Variants in IQGAP3 observed in about 807,000 individuals in gnomAD.
The protein encoded by IQGAP3 is IQ motif containing GTPase activating protein 3.
Under a neutral mutation model 208.2 loss-of-function variants are expected in IQGAP3, and 165 were observed. The observed-to-expected ratio is 0.79, with a 90% CI of 0.70 to 0.90. The LOEUF (loss-of-function observed/expected upper bound fraction) is 0.90, where lower values mean the gene tolerates loss of function less well. Ranked by LOEUF, IQGAP3 falls within the 40% of genes least tolerant of loss-of-function variation. IQGAP3 has a pLI of 0.00. For synonymous variants in IQGAP3, 703 were observed against 803.6 expected, an observed-to-expected ratio of 0.87 and a Z score of 2.12; for missense variants, 1,811 against 2,043.1, an observed-to-expected ratio of 0.89 and a Z score of 2.19.
intron 35 of IQGAP3, 75 bp from the exon 36 acceptor site, chr1:156,528,685 GA>G: frequency 7.8e-7 from 1 of 1,288,714 alleles, no homozygotes; most frequent in South Asian, 1.3e-5. Flanking sequence ...TCTGTGGCTG[GA>G]AAGGAAATGA....
chr1:156,526,677 A>G (rs949448860), intron 37 of IQGAP3, 78 bp from the exon 38 acceptor site: 13 of 945,178 alleles, frequency 1.4e-5, no homozygotes, highest in Non-Finnish European at 2.2e-5. Flanking sequence ...AAACACTCAC[A>G]TCATGGGGCC....
chr1:156,544,113 G>T (rs1675117803), intron 21 of IQGAP3, 39 bp downstream of exon 21: 1 of 1,613,090 alleles, frequency 6.2e-7, no homozygotes, highest in African/African-American at 1.3e-5. Flanking sequence ...CATGGGCAAA[G>T]GTTGGGTATG....
chr1:156,568,227 T>G (rs1166595978), intron 2 of IQGAP3, among the ~76,000 whole-genome samples: 1 of 152,240 alleles, frequency 6.6e-6, no homozygotes, highest in East Asian at 1.9e-4. Flanking sequence ...GTTTTTGTTT[T>G]TTTTTGAGAC....
At chr1:156,531,072 G>A (rs1428225905) in intron 33 of IQGAP3, 88 bp downstream of exon 33, 1 of 915,966 alleles carries the variant, frequency 1.1e-6, no homozygotes, top group Admixed American at 1.7e-5. Context: ...ATGTGGGTGA[G>A]GTTCAGAGGA....
rs34980426 is a variant in IQGAP3 at position 156,537,233 on chromosome 1, C to A, written c.3370G>T (p.Ala1124Ser). 3.1e-6 allele frequency: 5 copies of A among 1,613,868 alleles called. No individual in the cohort carries two copies. The Admixed American group carries it at 5.0e-5, about 16-fold the overall frequency. ...GCTAAAAGGAACTTATCAGTCATGGCGAGGAGGTTGCGTAGGGCGATGTCC... is the reference window on the plus strand; with the variant it reads ...GCTAAAAGGAACTTATCAGTCATGGAGAGGAGGTTGCGTAGGGCGATGTCC... Reference protein sequence around the residue: ...RLDIALRNLLAMTDKFLLAIT... With the variant: ...RLDIALRNLLSMTDKFLLAIT... The change falls in exon 27 of 38, where the codon GCC becomes TCC. Residue 1124 changes from alanine to serine, a missense_variant. By Grantham distance (99) the Ala-to-Ser change is moderately conservative. Transcript: ENST00000361170.
intron 15 of IQGAP3, 90 bp from the exon 16 acceptor site, chr1:156,550,441 G>A: frequency 1.1e-6 from 1 of 876,864 alleles, no homozygotes; most frequent in Non-Finnish European, 1.9e-6. Context: ...CCAAACTGCA[G>A]GCAGGCATTG....
chr1:156,558,279 G>C (rs13375053), intron 11 of IQGAP3, among the ~76,000 whole-genome samples: 1 of 29,124 alleles, frequency 3.4e-5, no homozygotes, highest in African/African-American at 1.1e-4. Context: ...CGGCCGCCCC[G>C]TCCGGGAGGT....
At position 156,528,940 on chromosome 1, in the gene IQGAP3, A is replaced by T. The variant is rs927398930; in HGVS notation, c.4547T>A (p.Leu1516Gln). Residue 1516 changes from leucine (L) to glutamine (Q), a missense_variant, in exon 35 of 38, where the codon CTG becomes CAG. Transcript: ENST00000361170. The part of the protein sequence containing the change: ...DYYSQYIRAC[L>Q]DHLAPDSKSS... ...CTTGGAGTCGGGGGCCAGGTGGTCC[A>T]GGCAGGCCCGGATGTACTGGCTGTA... The T allele has an allele frequency of 2.5e-6, 4 of 1,614,096 alleles. No homozygotes were observed. In the African/African-American group the frequency reaches 5.3e-5, roughly 22 times the overall value.
chr1:156,541,107 C>T (rs1269528189), intron 22 of IQGAP3, among the ~76,000 whole-genome samples, 191 bp from the exon 23 acceptor site: 1 of 151,910 alleles, frequency 6.6e-6, no homozygotes, highest in Non-Finnish European at 1.5e-5. Context: ...AGGCCTGTCC[C>T]TGAGCTTCCT....
Position 156,525,843 on chromosome 1 carries a change from TA to T in IQGAP3, c.*642del, listed in dbSNP as rs1313981465. On this transcript the variant is annotated 3_prime_UTR_variant, in exon 38 of 38. Coordinates refer to ENST00000361170, the MANE Select transcript of IQGAP3 (RefSeq NM_178229.5). ...ATAAATACCCTAGTGACCCACATAT[TA>T]AACAGACCACAGACAAGAGAACAAG... 1.3e-5 allele frequency: 2 copies of T among 152,048 alleles called. No homozygotes were observed. The highest frequency in any genetic ancestry group is 2.9e-5 in the Non-Finnish European group (2 of 68,384). 9.4% of individuals were successfully genotyped at this position (152,048 alleles called of 1,614,324 possible).
chr1:156,563,004 C>G (rs1676228147), intron 8 of IQGAP3, 130 bp downstream of exon 8: 2 of 778,710 alleles, frequency 2.6e-6, no homozygotes, highest in South Asian at 3.6e-5. Flanking sequence ...TCTAAAATCA[C>G]TGATAAATTA....
intron 24 of IQGAP3, 28 bp downstream of exon 24, chr1:156,539,810 A>T: frequency 1.2e-6 from 2 of 1,612,990 alleles, no homozygotes; most frequent in East Asian, 2.2e-5. Context: ...GACGGGAGAG[A>T]CTTCTCCTTG....
chr1:156,561,173 G>GTT (rs371964545), intron 10 of IQGAP3, 152 bp from the exon 11 acceptor site: 885 of 438,664 alleles, frequency 2.0e-3, no homozygotes, highest in East Asian at 4.4e-3. Context: ...CCTATTAACC[G>GTT]TTTTTTTTTT....
intron 1 of IQGAP3, among the ~76,000 whole-genome samples, chr1:156,571,165 T>G (rs1043537522): frequency 1.3e-5 from 2 of 152,178 alleles, no homozygotes; most frequent in African/African-American, 4.8e-5. Flanking sequence ...GAGACAGCAA[T>G]CATAATTTGC....
At position 156,539,017 on chromosome 1, in the gene IQGAP3, G is replaced by C. The variant is rs201478859; in HGVS notation, c.3073C>G (p.Pro1025Ala). The C allele has an allele frequency of 1.1e-5, 17 of 1,613,848 alleles. No homozygotes were observed. The highest frequency in any genetic ancestry group is 6.7e-5 in the East Asian group (3 of 44,876). The part of the protein sequence containing the change: ...QEEIKSKVEQ[P>A]QDVVTGNPTV... Reference sequence around the variant, plus strand: ...GGGTTGCCTGTCACCACGTCCTGGGGCTGCTCCACCTTTGACCTGTGGTTT... The same window carrying C: ...GGGTTGCCTGTCACCACGTCCTGGGCCTGCTCCACCTTTGACCTGTGGTTT... Residue 1025 changes from proline to alanine, a missense_variant, in exon 26 of 38, where the codon CCC becomes GCC. By Grantham distance (27) the Pro-to-Ala change is conservative (BLOSUM62 -1). Coordinates refer to ENST00000361170, the MANE Select transcript of IQGAP3 (RefSeq NM_178229.5).
chr1:156,551,952 C>A (rs756710924), intron 14 of IQGAP3, 22 bp downstream of exon 14: 1 of 1,584,956 alleles, frequency 6.3e-7, no homozygotes, highest in Admixed American at 1.7e-5. Context: ...GCCATCTCCA[C>A]CCAGCTCCAG....
In IQGAP3 at chr1:156,539,415, G is replaced by T. The variant is rs766350138; in HGVS notation, c.3015C>A (p.Leu1005=). The T allele has an allele frequency of 6.2e-7, 1 of 1,614,132 alleles. No individual in the cohort carries two copies. The highest frequency in any genetic ancestry group is 1.1e-5 in the South Asian group (1 of 91,070). The change falls in exon 25 of 38, where the codon CTC becomes CTA. Residue 1005 remains leucine, a synonymous_variant. Transcript: ENST00000361170. ...NYASSRREAY[L]LLQLFKTALQ... is the part of the protein sequence containing the mutation. The stretch of plus-strand genomic sequence containing the variant: ...GTGCTGTCTTGAACAGCTGGAGCAG[G>T]AGATAGGCCTCTCGGCGGCTGGAGG...
chr1:156,563,885 A>C, intron 5 of IQGAP3, 61 bp from the exon 6 acceptor site: 1 of 1,429,050 alleles, frequency 7.0e-7, no homozygotes, highest in Non-Finnish European at 9.8e-7. Context: ...CACTCTGCCC[A>C]CGATGGGTTT....
Position 156,534,671 on chromosome 1 carries a change from G to A in IQGAP3, c.3570C>T (p.Phe1190=), listed in dbSNP as rs372754465. The A allele has an allele frequency of 3.4e-5, 54 of 1,611,504 alleles. No individual in the cohort carries two copies. The highest frequency in any genetic ancestry group is 4.5e-5 in the East Asian group (2 of 44,858). ...CACCAGCTGCCATGGCCACAATGTC[G>A]AAGGCGTCAGGAGCCACCACAGCTG... The part of the protein sequence containing the change: ...LNPAVVAPDA[F]DIVAMAAGGA... Residue 1190 remains phenylalanine, a synonymous_variant, in exon 29 of 38, where the codon TTC becomes TTT. Coordinates refer to ENST00000361170, the MANE Select transcript of IQGAP3 (RefSeq NM_178229.5).
Sources: allele counts gnomAD v4.1 joint callset (sites outside exome capture counted in the v4.1 genomes callset), GRCh38; gene constraint gnomAD v4.1.1; transcripts MANE v1.5; gene names NCBI Gene and HGNC (gene_info 2026-07-23, HGNC 2026-07-21).